KCNG2: variants seen among roughly 807,000 people sequenced by gnomAD.
KCNG2 encodes voltage-gated potassium channel regulatory subunit KCNG2.
KCNG2 carries 7 observed loss-of-function variants against 12.3 expected under a neutral mutation model. The ratio of observed to expected loss-of-function variants is 0.57; its 90% CI spans 0.32 to 1.07. The LOEUF (loss-of-function observed/expected upper bound fraction) is 1.07. Ranked by LOEUF, KCNG2 falls within the 50% of genes least tolerant of loss-of-function variation. The pLI is 0.04. For missense variants in KCNG2, 703 were observed against 726.0 expected, an observed-to-expected ratio of 0.97 and a Z score of 0.36; for synonymous variants, 414 against 351.4, an observed-to-expected ratio of 1.18 and a Z score of -1.99.
intron 3 of KCNG2, among the ~76,000 whole-genome samples, chr18:79,879,878 A>G (rs1255790574): frequency 1.3e-5 from 2 of 152,218 alleles, no homozygotes; most frequent in African/African-American, 4.8e-5. Context: ...GGTCCCACCA[A>G]AGGCAGGACA....
chr18:79,806,529 G>T (rs2087451215), intron 1 of KCNG2, among the ~76,000 whole-genome samples: 1 of 152,066 alleles, frequency 6.6e-6, no homozygotes, highest in South Asian at 2.1e-4. Context: ...TCCTTCAAAT[G>T]CTTCAGTTAA....
At chr18:79,857,884 C>T (rs537765588) in intron 2 of KCNG2, among the ~76,000 whole-genome samples, 4 of 152,252 alleles carry the variant, frequency 2.6e-5, no homozygotes, top group Non-Finnish European at 5.9e-5. Flanking sequence ...GACTTTTCAT[C>T]GTCCCAAAAG....
intron 1 of KCNG2, among the ~76,000 whole-genome samples, chr18:79,801,860 C>T (rs1002290674): frequency 3.3e-5 from 5 of 152,240 alleles, no homozygotes; most frequent in Admixed American, 1.3e-4. Flanking sequence ...CCCGTGTCCC[C>T]GCCCTCGCAT....
In KCNG2 at chr18:79,839,612, G is replaced by A. The variant is rs1978401427; in HGVS notation, c.-114-16767G>A. ...GAAAAAGCAATCTCCAAGCCCAGATGATTTCACTGGAGAACATCTAAACAA... is the reference window on the plus strand; with the variant it reads ...GAAAAAGCAATCTCCAAGCCCAGATAATTTCACTGGAGAACATCTAAACAA... On this transcript the variant is annotated intron_variant, in intron 1 of 3. Coordinates refer to ENST00000316249, the MANE Select transcript of KCNG2 (RefSeq NM_012283.2). Among the ~76,000 whole-genome samples the A allele has an allele frequency of 3.3e-5, 5 of 152,336 alleles. No individual in the cohort carries two copies. The South Asian group carries it at 1.0e-3, about 32-fold the overall frequency.
intron 1 of KCNG2, among the ~76,000 whole-genome samples, chr18:79,853,819 C>T (rs569657676): frequency 2.0e-5 from 3 of 152,350 alleles, no homozygotes; most frequent in African/African-American, 7.2e-5. Flanking sequence ...GATGTGGCTC[C>T]CTCCAGGGCC....
intron 1 of KCNG2, among the ~76,000 whole-genome samples, chr18:79,846,469 A>C (rs1325466261): frequency 7.4e-6 from 1 of 135,356 alleles, no homozygotes; most frequent in Admixed American, 7.9e-5. Context: ...TGAGACTCAC[A>C]TGTGAACTCA....
In KCNG2 at chr18:79,899,908, T is replaced by A. The variant is rs1599448564; in HGVS notation, c.*92T>A. 1 of 1,174,678 alleles carries A rather than the reference T, an allele frequency of 8.5e-7. No homozygotes were observed. Among genetic ancestry groups the A allele is most frequent in the Non-Finnish European group, 1.1e-6 (1 of 926,378 alleles). The allele number at this position is 1,174,678 out of a possible 1,614,324, so 72.8% of individuals were successfully genotyped here. On this transcript the variant is annotated 3_prime_UTR_variant, in exon 4 of 4. Transcript: ENST00000316249. ...GCCAAGGGGTGGGGGGCGTCTGGCC[T>A]GGGGGAGCGGCTCCTGCCGGCCGCG... is the stretch of plus-strand genomic sequence containing the variant.
intron 1 of KCNG2, among the ~76,000 whole-genome samples, chr18:79,813,095 C>T (rs972903397): frequency 1.3e-5 from 2 of 152,082 alleles, no homozygotes; most frequent in Non-Finnish European, 2.9e-5. Flanking sequence ...GGGGAGGTTG[C>T]GGTGAGCCGA....
chr18:79,846,612 G>A (rs1458394718), intron 1 of KCNG2, among the ~76,000 whole-genome samples: 1 of 152,000 alleles, frequency 6.6e-6, no homozygotes, highest in Non-Finnish European at 1.5e-5. Context: ...GGTGATTATA[G>A]TCTTAATTCA....
intron 1 of KCNG2, among the ~76,000 whole-genome samples, chr18:79,838,298 T>C (rs1012884252): frequency 1.3e-5 from 2 of 152,172 alleles, no homozygotes; most frequent in Non-Finnish European, 2.9e-5. Context: ...CATATAAGTG[T>C]TCTCAGTGTG....
At chr18:79,877,080 T>C (rs1411236539) in intron 3 of KCNG2, among the ~76,000 whole-genome samples, 1 of 152,258 alleles carries the variant, frequency 6.6e-6, no homozygotes, top group Non-Finnish European at 1.5e-5. Context: ...TTGAAACAGT[T>C]TGTTCCCTTA....
chr18:79,878,927 A>G (rs1213224612), intron 3 of KCNG2, among the ~76,000 whole-genome samples: 1 of 152,218 alleles, frequency 6.6e-6, no homozygotes, highest in African/African-American at 2.4e-5. Context: ...GGCTTCTGTT[A>G]TCCCAGCAAC....
intron 3 of KCNG2, among the ~76,000 whole-genome samples, chr18:79,878,706 C>T (rs1380761468): frequency 6.6e-6 from 1 of 152,230 alleles, no homozygotes; most frequent in Non-Finnish European, 1.5e-5. Context: ...CATCTTTTGA[C>T]CTCCTCTGAC....
chr18:79,823,967 G>GT (rs2087592159), intron 1 of KCNG2, among the ~76,000 whole-genome samples: 1 of 152,144 alleles, frequency 6.6e-6, no homozygotes, highest in South Asian at 2.1e-4. Flanking sequence ...GTTCCTACAT[G>GT]TTTTTTTCCT....
chr18:79,838,938 G>A (rs924345342), intron 1 of KCNG2, among the ~76,000 whole-genome samples: 2 of 152,122 alleles, frequency 1.3e-5, no homozygotes, highest in East Asian at 1.9e-4. Flanking sequence ...AGTCAATGGC[G>A]CTTAGCCCAG....
intron 3 of KCNG2, among the ~76,000 whole-genome samples, chr18:79,895,391 A>T (rs1270802699): frequency 1.3e-5 from 2 of 150,304 alleles, no homozygotes; most frequent in African/African-American, 4.9e-5. Context: ...TGATTGATAT[A>T]GTTGGGTCTG....
chr18:79,861,994 TTC>T (rs1304547519), intron 2 of KCNG2, among the ~76,000 whole-genome samples: 2 of 152,242 alleles, frequency 1.3e-5, no homozygotes, highest in Non-Finnish European at 2.9e-5. Flanking sequence ...TTAATATAAC[TTC>T]TGTCTCTTTA....
intron 2 of KCNG2, 36 bp from the exon 3 acceptor site, chr18:79,863,592 C>T (rs574481244): frequency 2.8e-4 from 324 of 1,159,838 alleles, no homozygotes; most frequent in Middle Eastern, 3.6e-4. Context: ...CCCAGCTCAG[C>T]CCTCGCGACC....
chr18:79,877,756 G>A (rs577122998), intron 3 of KCNG2, among the ~76,000 whole-genome samples: 9 of 152,328 alleles, frequency 5.9e-5, no homozygotes, highest in East Asian at 5.8e-4. Flanking sequence ...AATGTGGCTC[G>A]GTCCTTCTGT....
Sources: gnomAD v4.1 joint callset for allele counts (sites outside exome capture counted in the v4.1 genomes callset) on GRCh38, gnomAD v4.1.1 for gene constraint, MANE v1.5 for transcripts, NCBI Gene and HGNC (gene_info 2026-07-23, HGNC 2026-07-21) for gene names.